The following CRKL variants were observed in gnomAD, a reference collection of about 807,000 sequenced individuals.
The protein encoded by CRKL is crk-like protein.
In CRKL, 3 loss-of-function variants were observed where a neutral mutation model predicts 23.0. That is an observed-to-expected ratio of 0.13 (90% CI 0.06 to 0.34). The LOEUF is 0.34. Among genes scored for constraint, CRKL ranks in the 10% least tolerant of loss-of-function variants. The probability of loss-of-function intolerance (pLI) is 1.00; values close to 1 mark genes in which losing one functional copy is unlikely to be tolerated. For synonymous variants in CRKL, 188 were observed against 160.7 expected, an observed-to-expected ratio of 1.17 and a Z score of -1.28; for missense variants, 256 against 394.5, an observed-to-expected ratio of 0.65 and a Z score of 2.97.
rs1922326116 is a variant in CRKL, at chr22:20,952,766, T to C, written c.*2921T>C. The C allele has an allele frequency of 4.3e-6, 1 of 231,848 alleles. No homozygotes were observed. Among genetic ancestry groups the C allele is most frequent in the Admixed American group, 5.6e-5 (1 of 17,746 alleles). The allele number at this position is 231,848 out of a possible 1,614,324, so 14.4% of individuals were successfully genotyped here. A position where few individuals can be genotyped will look rare whatever the true frequency, so the allele number is the denominator to read the frequency against. ...GAAACAAATTACGTACTAGAGGGCA[T>C]TGACTGGTTAAAAACTTGTGTATCC... On this transcript the variant is annotated 3_prime_UTR_variant, in exon 3 of 3. Coordinates refer to ENST00000354336, the MANE Select transcript of CRKL (RefSeq NM_005207.4).
chr22:20,934,233 T>G lies in CRKL; in HGVS notation c.766T>G (p.Leu256Val). Reference sequence around the variant, plus strand: ...ACCCTGTGCTTATGACAAGACTGCCTTGGCATTAGAGGTAAAATCTGTTCA... The same window carrying G: ...ACCCTGTGCTTATGACAAGACTGCCGTGGCATTAGAGGTAAAATCTGTTCA... ...RVPCAYDKTA[L>V]ALEVGDIVKV... Residue 256 changes from leucine (L) to valine (V), a missense_variant, in exon 2 of 3, where the codon TTG becomes GTG. Leu to Val is a conservative substitution (Grantham distance 32, BLOSUM62 1). Around this residue, in one of 3 missense-constraint regions of CRKL, gnomAD observed 129 missense variants for 222.1 expected, o/e 0.58. Transcript: ENST00000354336. 6.2e-7 allele frequency: 1 copy of G among 1,612,424 alleles called. No individual in the cohort carries two copies. Among genetic ancestry groups the G allele is most frequent in the Non-Finnish European group, 8.5e-7 (1 of 1,178,594 alleles).
chr22:20,943,164 A>T (rs1402254420), intron 2 of CRKL, among the ~76,000 whole-genome samples: 1 of 152,178 alleles, frequency 6.6e-6, no homozygotes, highest in East Asian at 1.9e-4. Context: ...GCTTTTGGCA[A>T]ATCTTTGGAT....
chr22:20,920,583 A>G (rs1258657746), intron 1 of CRKL, among the ~76,000 whole-genome samples: 1 of 152,056 alleles, frequency 6.6e-6, no homozygotes, highest in Non-Finnish European at 1.5e-5. Context: ...TATCCACAGA[A>G]TCGCCTCCAG....
intron 2 of CRKL, among the ~76,000 whole-genome samples, chr22:20,940,154 G>A (rs1921818626): frequency 6.6e-6 from 1 of 152,060 alleles, no homozygotes; most frequent in Admixed American, 6.6e-5. Flanking sequence ...TTTCCTAACT[G>A]CAGGTTTTGT....
chr22:20,927,797 C>T (rs1472418055), intron 1 of CRKL, among the ~76,000 whole-genome samples: 2 of 140,004 alleles, frequency 1.4e-5, no homozygotes, highest in East Asian at 2.1e-4. Flanking sequence ...GAGTTGAGAT[C>T]GCACCATTGC....
intron 1 of CRKL, among the ~76,000 whole-genome samples, chr22:20,928,787 C>T (rs980760655): frequency 1.6e-5 from 2 of 122,144 alleles, no homozygotes; most frequent in African/African-American, 3.2e-5. Context: ...CACTCTAGCT[C>T]GGGCAACAGA....
chr22:20,948,662 A>T (rs1415044114), intron 2 of CRKL, among the ~76,000 whole-genome samples: 1 of 152,006 alleles, frequency 6.6e-6, no homozygotes, highest in Non-Finnish European at 1.5e-5. Flanking sequence ...TGCCATAAAA[A>T]CCTTATGCCT....
chr22:20,920,240 C>T (rs773538863), intron 1 of CRKL, among the ~76,000 whole-genome samples: 13 of 152,094 alleles, frequency 8.5e-5, no homozygotes, highest in Non-Finnish European at 1.6e-4. Context: ...TGGTAGCTCA[C>T]GCCAGTAATC....
intron 2 of CRKL, among the ~76,000 whole-genome samples, chr22:20,949,271 A>G (rs1444775567): frequency 6.6e-6 from 1 of 152,056 alleles, no homozygotes; most frequent in African/African-American, 2.4e-5. Context: ...GACTGCAGTC[A>G]TGTACCACCA....
intron 1 of CRKL, among the ~76,000 whole-genome samples, chr22:20,925,049 G>C (rs1002748693): frequency 6.6e-6 from 1 of 152,024 alleles, no homozygotes; most frequent in Non-Finnish European, 1.5e-5. Context: ...CTAGCTGGGC[G>C]TGGTGGCATG....
intron 1 of CRKL, among the ~76,000 whole-genome samples, chr22:20,930,249 C>T (rs1921392511): frequency 1.3e-5 from 2 of 152,214 alleles, no homozygotes; most frequent in Admixed American, 1.3e-4. Context: ...GATCAGCAAA[C>T]TGTTGAGTAA....
chr22:20,949,583 C>A, intron 2 of CRKL, 128 bp from the exon 3 acceptor site: 1 of 1,290,074 alleles, frequency 7.8e-7, no homozygotes, highest in Non-Finnish European at 1.1e-6. Flanking sequence ...GCATGGCTAA[C>A]AGAGTGAGAC....
chr22:20,943,835 A>AT, intron 2 of CRKL, among the ~76,000 whole-genome samples: 2 of 151,948 alleles, frequency 1.3e-5, no homozygotes, highest in Non-Finnish European at 2.9e-5. Context: ...GTGTTAAAAA[A>AT]AAATCACTTG....
chr22:20,935,230 A>T (rs1601680312), intron 2 of CRKL, among the ~76,000 whole-genome samples: 1 of 152,162 alleles, frequency 6.6e-6, no homozygotes, highest in South Asian at 2.1e-4. Flanking sequence ...ATCCTGCCTC[A>T]GCCTCCTTAG....
At position 20,934,427 on chromosome 22, in the gene CRKL, TAA is replaced by T. The variant is rs777935059; in HGVS notation, c.777+186_777+187del. Among the ~76,000 whole-genome samples, 116 of 152,234 alleles carry T rather than the reference TAA, an allele frequency of 7.6e-4. 1 individual carries two copies. The highest frequency in any genetic ancestry group is 2.9e-3 in the Admixed American group (44 of 15,272). On this transcript the variant is annotated intron_variant, in intron 2 of 2. Transcript: ENST00000354336. ...TTTATAGAGACGAGGTCTCTAATTTTAAAAGAGTTGTTTGCCCAGGCTGATTT... is the reference window on the plus strand; with the variant it reads ...TTTATAGAGACGAGGTCTCTAATTTTAAGAGTTGTTTGCCCAGGCTGATTT...
intron 1 of CRKL, among the ~76,000 whole-genome samples, chr22:20,923,890 A>G (rs1921089421): frequency 6.6e-6 from 1 of 151,952 alleles, no homozygotes; most frequent in Non-Finnish European, 1.5e-5. Flanking sequence ...TAAAAAAAAA[A>G]AAAATGTAAA....
intron 1 of CRKL, among the ~76,000 whole-genome samples, chr22:20,928,783 A>G (rs1921323810): frequency 7.3e-6 from 1 of 136,866 alleles, no homozygotes; most frequent in South Asian, 2.3e-4. Context: ...TCTGCACTCT[A>G]GCTCGGGCAA....
chr22:20,949,985 A>T lies in CRKL; in HGVS notation c.*140A>T. 1 of 1,145,932 alleles carries T rather than the reference A, an allele frequency of 8.7e-7. No homozygotes were observed. Among genetic ancestry groups the T allele is most frequent in the South Asian group, 1.6e-5 (1 of 61,004 alleles). The allele number at this position is 1,145,932 out of a possible 1,614,324, so 71.0% of individuals were successfully genotyped here. On this transcript the variant is annotated 3_prime_UTR_variant, in exon 3 of 3. Coordinates refer to ENST00000354336, the MANE Select transcript of CRKL (RefSeq NM_005207.4). The stretch of plus-strand genomic sequence containing the variant: ...TCTGCAGACTGGCAGTCGCACACAC[A>T]TTTGGAATGCACACAGCGGCTGCCT...
At chr22:20,926,017 A>C (rs1205997350) in intron 1 of CRKL, among the ~76,000 whole-genome samples, 1 of 152,204 alleles carries the variant, frequency 6.6e-6, no homozygotes, top group African/African-American at 2.4e-5. Context: ...AAAGGCAATC[A>C]ACTGTACCTA....
Sources: gnomAD v4.1 joint callset for allele counts (sites outside exome capture counted in the v4.1 genomes callset) on GRCh38, gnomAD v4.1.1 for gene constraint, gnomAD v4.1.1 regional missense constraint, MANE v1.5 for transcripts, NCBI Gene and HGNC (gene_info 2026-07-23, HGNC 2026-07-21) for gene names.